The following GCNT4 variants were observed in gnomAD, a reference collection of about 807,000 sequenced individuals.
GCNT4 encodes the protein beta-1,3-galactosyl-O-glycosyl-glycoprotein beta-1,6-N-acetylglucosaminyltransferase 4.
GCNT4 carries 17 observed loss-of-function variants against 31.3 expected under a neutral mutation model. The observed-to-expected ratio is 0.54, with a 90% CI of 0.37 to 0.81. The LOEUF (loss-of-function observed/expected upper bound fraction) is 0.81. Ranked by LOEUF, GCNT4 falls within the 40% of genes least tolerant of loss-of-function variation. The pLI, the probability that GCNT4 is intolerant of heterozygous loss-of-function variation, is 0.00. For synonymous variants in GCNT4, 158 were observed against 190.6 expected (o/e 0.83, Z 1.41); for missense variants, 503 against 525.5 (o/e 0.96, Z 0.42).
intron 2 of GCNT4, among the ~76,000 whole-genome samples, chr5:75,049,769 G>A (rs1743525287): frequency 6.6e-6 from 1 of 152,194 alleles, no homozygotes; most frequent in South Asian, 2.1e-4. Context: ...GACACATTAA[G>A]TAGAAGGTGC....
chr5:75,042,675 A>T (rs1743347532), intron 3 of GCNT4, among the ~76,000 whole-genome samples: 1 of 152,188 alleles, frequency 6.6e-6, no homozygotes, highest in African/African-American at 2.4e-5. Context: ...GAAAACCCTG[A>T]GTTTTAAGTC....
At chr5:75,035,870 G>A (rs1435498393) in intron 3 of GCNT4, among the ~76,000 whole-genome samples, 1 of 152,178 alleles carries the variant, frequency 6.6e-6, no homozygotes, top group Non-Finnish European at 1.5e-5. Flanking sequence ...GTGGCTTATT[G>A]TCCTGTTTTT....
At chr5:75,037,337 G>A (rs1743219820) in intron 3 of GCNT4, among the ~76,000 whole-genome samples, 1 of 152,192 alleles carries the variant, frequency 6.6e-6, no homozygotes, top group South Asian at 2.1e-4. Flanking sequence ...ATGCAGAGGA[G>A]TGGAAAGACA....
chr5:75,034,033 C>T (rs929727876), intron 3 of GCNT4, among the ~76,000 whole-genome samples: 4 of 152,156 alleles, frequency 2.6e-5, no homozygotes, highest in African/African-American at 9.7e-5. Context: ...TTTTTATGGC[C>T]GCACAGAAAT....
intron 3 of GCNT4, among the ~76,000 whole-genome samples, chr5:75,039,608 ATAC>A (rs1040711287): frequency 2.0e-5 from 3 of 152,220 alleles, no homozygotes; most frequent in African/African-American, 7.2e-5. Flanking sequence ...TTCAGAGCCT[ATAC>A]TACTAACCAC....
chr5:75,051,756 G>A (rs185565708), intron 2 of GCNT4, among the ~76,000 whole-genome samples: 1 of 152,296 alleles, frequency 6.6e-6, no homozygotes, highest in African/African-American at 2.4e-5. Flanking sequence ...CAGGAGATGT[G>A]ACATTTAGCA....
At chr5:75,042,670 C>A (rs1028631578) in intron 3 of GCNT4, among the ~76,000 whole-genome samples, 12 of 152,168 alleles carry the variant, frequency 7.9e-5, no homozygotes, top group Non-Finnish European at 1.8e-4. Context: ...ACCCTGAAAA[C>A]CCTGAGTTTT....
intron 2 of GCNT4, among the ~76,000 whole-genome samples, chr5:75,049,341 C>T (rs2149978693): frequency 6.6e-6 from 1 of 152,296 alleles, no homozygotes; most frequent in South Asian, 2.1e-4. Flanking sequence ...GATCAAACTT[C>T]ATAACATATT....
Position 75,029,888 on chromosome 5 carries a change from T to G in GCNT4, c.150A>C (p.Leu50=). ...QKDIYLVEYS[L]STSPFVRNRY... ...TGTTTCTTACAAAAGGCGAGGTACT[T>G]AGGGAGTACTCAACCAAGTAAATGT... Residue 50 remains leucine, a synonymous_variant, in exon 4 of 4, where the codon CTA becomes CTC. Coordinates refer to ENST00000652361, the MANE Select transcript of GCNT4 (RefSeq NM_001366737.1). 6.2e-7 allele frequency: 1 copy of G among 1,614,164 alleles called. No individual in the cohort carries two copies. Among genetic ancestry groups the G allele is most frequent in the Non-Finnish European group, 8.5e-7 (1 of 1,180,016 alleles).
At chr5:75,021,844 G>A (rs567956264), downstream of GCNT4, among the ~76,000 whole-genome samples, 1 of 152,122 alleles carries the variant, frequency 6.6e-6, no homozygotes, top group African/African-American at 2.4e-5. Flanking sequence ...CGATCATTGA[G>A]ATGATTTTGA....
downstream of GCNT4, among the ~76,000 whole-genome samples, chr5:75,023,142 A>C (rs895660335): frequency 2.6e-5 from 4 of 152,248 alleles, no homozygotes; most frequent in Non-Finnish European, 5.9e-5. Context: ...GTCAGTCATC[A>C]AAGTTAAGCC....
intron 3 of GCNT4, among the ~76,000 whole-genome samples, chr5:75,033,674 T>TTTA (rs200713432): frequency 0.016 from 1,868 of 116,848 alleles, 23 homozygotes; most frequent in African/African-American, 0.057. Flanking sequence ...TATTTATTTA[T>TTTA]TTTTTTTTTT....
intron 3 of GCNT4, among the ~76,000 whole-genome samples, chr5:75,038,913 G>A (rs1211640138): frequency 1.3e-5 from 2 of 152,076 alleles, no homozygotes; most frequent in East Asian, 3.9e-4. Flanking sequence ...GTCCCTTACG[G>A]TGGCATTTGG....
chr5:75,033,339 T>C (rs74651569), intron 3 of GCNT4, among the ~76,000 whole-genome samples: 1,548 of 152,162 alleles, frequency 0.01, 16 homozygotes, highest in South Asian at 0.029. Context: ...TGCCCAGACA[T>C]AGAAGCTCAC....
intron 2 of GCNT4, among the ~76,000 whole-genome samples, chr5:75,049,316 C>G (rs1405041686): frequency 1.3e-5 from 2 of 152,118 alleles, no homozygotes; most frequent in East Asian, 3.9e-4. Context: ...CTGTATTTTT[C>G]TGTTACGTTC....
chr5:75,029,801 C>T lies in GCNT4; in HGVS notation c.237G>A (p.Gln79=). The part of the protein sequence containing the change: ...YEVNCSGIYE[Q]EPLEIGKSLE... ...GACTCTTTCCAATTTCCAAAGGCTC[C>T]TGTTCATAGATACCCGAACAGTTAA... Residue 79 remains glutamine (Q), a synonymous_variant, in exon 4 of 4, where the codon CAG becomes CAA. Transcript: ENST00000652361. The T allele has an allele frequency of 6.2e-7, 1 of 1,614,126 alleles. No individual in the cohort carries two copies. The highest frequency in any genetic ancestry group is 8.5e-7 in the Non-Finnish European group (1 of 1,180,022).
chr5:75,024,989 A>AATATTGATTT, downstream of GCNT4, among the ~76,000 whole-genome samples: 1 of 151,646 alleles, frequency 6.6e-6, no homozygotes, highest in African/African-American at 2.4e-5. Flanking sequence ...GAAAGGGAAG[A>AATATTGATTT]ATATTGATTT....
intron 3 of GCNT4, chr5:75,030,751 G>A (rs1418401099): frequency 6.0e-6 from 1 of 166,972 alleles, no homozygotes; most frequent in Non-Finnish European, 1.5e-5. Flanking sequence ...ACTACGTTGG[G>A]GGGCAATTTG....
At chr5:75,023,222 G>T (rs1377326004), downstream of GCNT4, among the ~76,000 whole-genome samples, 1 of 152,134 alleles carries the variant, frequency 6.6e-6, no homozygotes, top group Non-Finnish European at 1.5e-5. Flanking sequence ...ATCTGCTAGA[G>T]GAAAAACTAC....
Sources: allele counts gnomAD v4.1 joint callset (sites outside exome capture counted in the v4.1 genomes callset), GRCh38; gene constraint gnomAD v4.1.1; transcripts MANE v1.5; gene names NCBI Gene and HGNC (gene_info 2026-07-23, HGNC 2026-07-21).